The following SPHKAP variants were observed in gnomAD, a reference collection of about 807,000 sequenced individuals.
The protein encoded by SPHKAP is A-kinase anchor protein SPHKAP.
SPHKAP carries 67 observed loss-of-function variants against 137.5 expected under a neutral mutation model. The ratio of observed to expected loss-of-function variants is 0.49; its 90% CI spans 0.40 to 0.60. SPHKAP has a LOEUF of 0.60. SPHKAP is among the 20% of genes least tolerant of loss of function. SPHKAP has a pLI of 0.00. For synonymous variants in SPHKAP, 813 were observed against 785.3 expected, an observed-to-expected ratio of 1.04 and a Z score of -0.59; for missense variants, 2,097 against 2,069.3, an observed-to-expected ratio of 1.01 and a Z score of -0.26.
chr2:228,020,845 C>T (rs1694815218), intron 6 of SPHKAP, among the ~76,000 whole-genome samples: 1 of 151,954 alleles, frequency 6.6e-6, no homozygotes, highest in Non-Finnish European at 1.5e-5. Context: ...AGAATGCCAC[C>T]CAACAAAATG....
At chr2:228,099,881 G>T (rs142569540) in intron 3 of SPHKAP, among the ~76,000 whole-genome samples, 73 of 150,552 alleles carry the variant, frequency 4.8e-4, no homozygotes, top group South Asian at 1.3e-3. Flanking sequence ...ATGGAATCTC[G>T]CTCTGTGGCC....
At chr2:228,119,102 C>G (rs1559183464) in intron 2 of SPHKAP, among the ~76,000 whole-genome samples, 3 of 152,072 alleles carry the variant, frequency 2.0e-5, no homozygotes, top group Non-Finnish European at 4.4e-5. Context: ...AAGTGAGAAG[C>G]CAGCCACACT....
chr2:228,042,121 A>C (rs1054547258), intron 3 of SPHKAP, among the ~76,000 whole-genome samples: 1 of 152,120 alleles, frequency 6.6e-6, no homozygotes, highest in Non-Finnish European at 1.5e-5. Flanking sequence ...CAAACAAACA[A>C]CCAATGGAGC....
intron 11 of SPHKAP, among the ~76,000 whole-genome samples, chr2:227,989,776 TTG>T (rs1334157006): frequency 8.6e-4 from 71 of 82,504 alleles, no homozygotes; most frequent in Admixed American, 1.5e-3. Context: ...TGGCTAATTT[TTG>T]TTTTTTTTTT....
intron 2 of SPHKAP, among the ~76,000 whole-genome samples, chr2:228,127,713 T>C (rs767581368): frequency 1.2e-4 from 19 of 152,154 alleles, no homozygotes; most frequent in Admixed American, 4.6e-4. Context: ...TCTTGGCTTG[T>C]AGCTTTTAAT....
At chr2:228,119,728 A>G (rs1698848540) in intron 2 of SPHKAP, among the ~76,000 whole-genome samples, 1 of 152,154 alleles carries the variant, frequency 6.6e-6, no homozygotes, top group Non-Finnish European at 1.5e-5. Context: ...TATTGTGTGA[A>G]AGAAAAAATT....
At position 227,981,148 on chromosome 2, in the gene SPHKAP, C is replaced by T. The variant is rs1290499706; in HGVS notation, c.*569G>A. 7 of 152,164 alleles carry T rather than the reference C, an allele frequency of 4.6e-5. 1 individual carries two copies. The highest frequency in any genetic ancestry group is 7.3e-5 in the Non-Finnish European group (5 of 68,032). The allele number at this position is 152,164 out of a possible 1,614,324, so 9.4% of individuals were successfully genotyped here. ...CTGCAGGGAATAAATGAAATCACCTCAGTAGAGGATGCTGCTATACTTTTA... is the reference window on the plus strand; with the variant it reads ...CTGCAGGGAATAAATGAAATCACCTTAGTAGAGGATGCTGCTATACTTTTA... On this transcript the variant is annotated 3_prime_UTR_variant, in exon 12 of 12. Transcript: ENST00000392056.
intron 7 of SPHKAP, among the ~76,000 whole-genome samples, chr2:228,011,240 T>C (rs1055708647): frequency 6.6e-6 from 1 of 152,142 alleles, no homozygotes; most frequent in Non-Finnish European, 1.5e-5. Flanking sequence ...TTTTTTTTTT[T>C]TTTTTAATCA....
intron 7 of SPHKAP, among the ~76,000 whole-genome samples, chr2:228,010,680 C>T (rs188320642): frequency 1.5e-3 from 229 of 152,040 alleles, no homozygotes; most frequent in Middle Eastern, 3.4e-3. Flanking sequence ...ATAATTAATA[C>T]GTTTTTCTAT....
At chr2:227,984,641 G>C (rs1693145258) in intron 11 of SPHKAP, among the ~76,000 whole-genome samples, 1 of 152,168 alleles carries the variant, frequency 6.6e-6, no homozygotes, top group African/African-American at 2.4e-5. Context: ...GGAATGAAGG[G>C]GAGAAAGGCT....
chr2:228,058,128 T>C (rs1193341227), intron 3 of SPHKAP, among the ~76,000 whole-genome samples: 1 of 152,154 alleles, frequency 6.6e-6, no homozygotes, highest in Non-Finnish European at 1.5e-5. Context: ...ATTCAGAACT[T>C]CATTCTGTGA....
At chr2:228,162,530 A>G (rs1371412376) in intron 1 of SPHKAP, among the ~76,000 whole-genome samples, 1 of 152,244 alleles carries the variant, frequency 6.6e-6, no homozygotes, top group South Asian at 2.1e-4. Flanking sequence ...AGTTGTCAAC[A>G]TGCAATGAAA....
chr2:228,019,516 C>T lies in SPHKAP; in HGVS notation c.1338G>A (p.Glu446=). 3.7e-6 allele frequency: 6 copies of T among 1,614,152 alleles called. No homozygotes were observed. Among genetic ancestry groups the T allele is most frequent in the Non-Finnish European group, 5.1e-6 (6 of 1,180,020 alleles). Residue 446 remains glutamate (E), a synonymous_variant, in exon 7 of 12, where the codon GAG becomes GAA. Transcript: ENST00000392056. ...TCTGAACAACGACGATTTTGGGGAG[C>T]TCATTCCATGACCGAGAAACCACTG... ...KDTVVSRSWN[E]LPKIVVVQSP...
At chr2:228,140,080 A>T (rs963238579) in intron 1 of SPHKAP, among the ~76,000 whole-genome samples, 6 of 151,422 alleles carry the variant, frequency 4.0e-5, no homozygotes, top group Admixed American at 2.6e-4. Flanking sequence ...GAGTAGCTGA[A>T]ATCATAGGCA....
intron 3 of SPHKAP, among the ~76,000 whole-genome samples, chr2:228,058,210 T>C (rs1421712731): frequency 6.6e-6 from 1 of 152,156 alleles, no homozygotes; most frequent in Non-Finnish European, 1.5e-5. Context: ...GCATCCTGCA[T>C]CTCCCAGCCT....
At position 228,181,458 on chromosome 2, in the gene SPHKAP, G is replaced by A; in HGVS notation, c.32+109C>T. On this transcript the variant is annotated intron_variant, in intron 1 of 11. Coordinates refer to ENST00000392056, the MANE Select transcript of SPHKAP (RefSeq NM_001142644.2). This position sits in a 1 kb window ranked among gnomAD's most constrained non-coding sequence, Gnocchi z 4.3. ...GTGCAGTGACCCCTGTCTCCTCGCT[G>A]GGAGCCCCGTGCAAACCGAAGCGCT... The A allele has an allele frequency of 7.5e-6, 11 of 1,468,080 alleles. No homozygotes were observed. Among genetic ancestry groups the A allele is most frequent in the African/African-American group, 1.4e-5 (1 of 72,032 alleles). The allele number at this position is 1,468,080 out of a possible 1,614,324, so 90.9% of individuals were successfully genotyped here. A position where few individuals can be genotyped will look rare whatever the true frequency, so the allele number is the denominator to read the frequency against.
intron 2 of SPHKAP, among the ~76,000 whole-genome samples, chr2:228,117,664 T>G (rs1271917114): frequency 2.6e-5 from 4 of 152,038 alleles, no homozygotes. Context: ...ACTTTTTATG[T>G]GTAAAGTTCT....
chr2:228,013,218 G>A (rs1462231893), intron 7 of SPHKAP, among the ~76,000 whole-genome samples: 13 of 152,106 alleles, frequency 8.5e-5, no homozygotes, highest in Non-Finnish European at 1.5e-4. Context: ...GGAAATCCTC[G>A]TTTTAATAAA....
At chr2:228,125,010 G>A (rs2106367369) in intron 2 of SPHKAP, among the ~76,000 whole-genome samples, 1 of 152,274 alleles carries the variant, frequency 6.6e-6, no homozygotes, top group South Asian at 2.1e-4. Context: ...TCATAAAGCT[G>A]TTCAGATATC....
Sources: gnomAD v4.1 joint callset for allele counts (sites outside exome capture counted in the v4.1 genomes callset) on GRCh38, gnomAD v4.1.1 for gene constraint, Gnocchi (gnomAD v3.1) non-coding constraint, MANE v1.5 for transcripts, NCBI Gene and HGNC (gene_info 2026-07-23, HGNC 2026-07-21) for gene names.